The following SEPTIN7 variants were observed in gnomAD, a reference collection of about 807,000 sequenced individuals.
SEPTIN7 encodes the protein septin-7.
A neutral mutation model predicts 63.3 loss-of-function variants in SEPTIN7; 10 were observed. That is an observed-to-expected ratio of 0.16 (90% CI 0.10 to 0.27). SEPTIN7 has a LOEUF of 0.27. Among genes scored for constraint, SEPTIN7 ranks in the 10% least tolerant of loss-of-function variants. The pLI is 1.00. For synonymous variants in SEPTIN7, 131 were observed against 165.3 expected, an observed-to-expected ratio of 0.79 and a Z score of 1.59; for missense variants, 310 against 521.0, an observed-to-expected ratio of 0.59 and a Z score of 3.94.
intron 4 of SEPTIN7, among the ~76,000 whole-genome samples, chr7:35,868,020 G>C (rs113471074): frequency 1.3e-5 from 2 of 151,274 alleles, no homozygotes; most frequent in Non-Finnish European, 3.0e-5. Flanking sequence ...TTACAGGCGC[G>C]TACTACACCT....
intron 1 of SEPTIN7, among the ~76,000 whole-genome samples, chr7:35,807,436 G>A (rs140335174): frequency 0.06 from 8,644 of 144,294 alleles, 760 homozygotes; most frequent in African/African-American, 0.2. Flanking sequence ...ATCTCGGCTC[G>A]CTGTAAGAAG....
At chr7:35,855,989 G>T (rs1785184495) in intron 3 of SEPTIN7, among the ~76,000 whole-genome samples, 1 of 151,902 alleles carries the variant, frequency 6.6e-6, no homozygotes, top group Non-Finnish European at 1.5e-5. Flanking sequence ...TTAACATTTT[G>T]TTATTTATAT....
intron 4 of SEPTIN7, among the ~76,000 whole-genome samples, chr7:35,869,745 G>A (rs1165295600): frequency 6.6e-6 from 1 of 151,972 alleles, no homozygotes. Flanking sequence ...TGAGTACCTT[G>A]GATTTCTGGA....
In SEPTIN7 at chr7:35,906,366, A is replaced by C. The variant is rs1308648996; in HGVS notation, c.*2073A>C. The C allele has an allele frequency of 6.6e-6, 1 of 152,214 alleles. No homozygotes were observed. Among genetic ancestry groups the C allele is most frequent in the Non-Finnish European group, 1.5e-5 (1 of 68,026 alleles). The allele number at this position is 152,214 out of a possible 1,614,324, so 9.4% of individuals were successfully genotyped here. A position where few individuals can be genotyped will look rare whatever the true frequency, so the allele number is the denominator to read the frequency against. On this transcript the variant is annotated 3_prime_UTR_variant, in exon 14 of 14. Coordinates refer to ENST00000350320, the MANE Select transcript of SEPTIN7 (RefSeq NM_001788.6). ...ACTTTTGATTGTTGACTCCAGGCTT[A>C]GGTATATCAGAAGGTTCTTTTTGCC... is the stretch of plus-strand genomic sequence containing the variant.
At chr7:35,915,258 CAT>C in the SEPTIN7 span, among the ~76,000 whole-genome samples, 2,106 of 151,414 alleles carry the variant, frequency 0.014, 44 homozygotes, top group African/African-American at 0.049. Flanking sequence ...CGCTCATACA[CAT>C]ATATATATAT....
intron 1 of SEPTIN7, among the ~76,000 whole-genome samples, chr7:35,821,011 C>G (rs971112136): frequency 1.3e-5 from 2 of 152,136 alleles, no homozygotes; most frequent in Non-Finnish European, 2.9e-5. Flanking sequence ...CCAGACACAT[C>G]AAATAATGAC....
At position 35,905,159 on chromosome 7, in the gene SEPTIN7, A is replaced by C. The variant is rs1206485841; in HGVS notation, c.*866A>C. Reference sequence around the variant, plus strand: ...GACCAACCTGTTTCTACCTATATGCAGTCTCTTTATTTTACTAGAAATGGG... The same window carrying C: ...GACCAACCTGTTTCTACCTATATGCCGTCTCTTTATTTTACTAGAAATGGG... On this transcript the variant is annotated 3_prime_UTR_variant, in exon 14 of 14. Transcript: ENST00000350320. 6.6e-6 allele frequency: 1 copy of C among 152,632 alleles called. No individual in the cohort carries two copies. The allele number at this position is 152,632 out of a possible 1,614,324, so 9.5% of individuals were successfully genotyped here.
intron 3 of SEPTIN7, among the ~76,000 whole-genome samples, chr7:35,841,603 T>C (rs756988394): frequency 1.2e-4 from 18 of 152,186 alleles, no homozygotes; most frequent in Non-Finnish European, 2.5e-4. Context: ...CAAGATTGAT[T>C]GGATAGGTGG....
chr7:35,848,072 G>C (rs886905401), intron 3 of SEPTIN7: 1 of 152,188 alleles, frequency 6.6e-6, no homozygotes, highest in African/African-American at 2.4e-5. Context: ...GTGGCCAGCT[G>C]TAAGTTGCCC....
At chr7:35,852,688 T>A (rs570158397) in intron 3 of SEPTIN7, among the ~76,000 whole-genome samples, 63 of 152,314 alleles carry the variant, frequency 4.1e-4, no homozygotes, top group African/African-American at 1.4e-3. Flanking sequence ...AAATAAACTA[T>A]TTTATCAGGC....
intron 6 of SEPTIN7, among the ~76,000 whole-genome samples, chr7:35,877,956 A>G (rs948399108): frequency 6.6e-6 from 1 of 152,212 alleles, no homozygotes; most frequent in Non-Finnish European, 1.5e-5. Context: ...ATCATCTAAC[A>G]TAAAACCTAT....
chr7:35,829,690 C>T (rs948592963), intron 1 of SEPTIN7, among the ~76,000 whole-genome samples: 2 of 152,156 alleles, frequency 1.3e-5, no homozygotes, highest in Non-Finnish European at 2.9e-5. Context: ...TTATGTAATT[C>T]ATTCAATCTC....
At chr7:35,911,987 T>C (rs1788749933), downstream of SEPTIN7, among the ~76,000 whole-genome samples, 1 of 152,206 alleles carries the variant, frequency 6.6e-6, no homozygotes, top group African/African-American at 2.4e-5. Flanking sequence ...TCAATGATGA[T>C]TGTGCTTTTA....
intron 1 of SEPTIN7, among the ~76,000 whole-genome samples, chr7:35,816,231 C>T (rs1430092753): frequency 1.3e-5 from 2 of 152,100 alleles, no homozygotes; most frequent in South Asian, 2.1e-4. Flanking sequence ...AATAATCAGT[C>T]CCCATCCCTT....
chr7:35,829,548 AG>A (rs1783718125), intron 1 of SEPTIN7, among the ~76,000 whole-genome samples: 1 of 152,194 alleles, frequency 6.6e-6, no homozygotes, highest in East Asian at 1.9e-4. Flanking sequence ...ATAAGAGACA[AG>A]GGCAGACCCT....
At chr7:35,899,823 G>T (rs1419356230) in intron 12 of SEPTIN7, 6 of 152,368 alleles carry the variant, frequency 3.9e-5, no homozygotes, top group Non-Finnish European at 5.9e-5. Flanking sequence ...GATAGAGGCT[G>T]TAGTGAGCCA....
chr7:35,885,020 G>GT (rs111434607), intron 9 of SEPTIN7, among the ~76,000 whole-genome samples: 114 of 145,282 alleles, frequency 7.8e-4, no homozygotes, highest in African/African-American at 1.2e-3. Flanking sequence ...TTTGAACTTC[G>GT]TTTTTTTTTT....
intron 1 of SEPTIN7, among the ~76,000 whole-genome samples, chr7:35,811,743 G>T (rs544697025): frequency 6.6e-6 from 1 of 151,978 alleles, no homozygotes; most frequent in African/African-American, 2.4e-5. Context: ...AAAAATTAAG[G>T]CTGGGCGCGG....
At chr7:35,902,028 A>G (rs1170583019) in intron 12 of SEPTIN7, 1 of 150,240 alleles carries the variant, frequency 6.7e-6, no homozygotes, top group Non-Finnish European at 1.5e-5. Flanking sequence ...GCAAAATTAT[A>G]GTAACATATA....
Sources: allele counts gnomAD v4.1 joint callset (sites outside exome capture counted in the v4.1 genomes callset), GRCh38; gene constraint gnomAD v4.1.1; transcripts MANE v1.5; gene names NCBI Gene and HGNC (gene_info 2026-07-23, HGNC 2026-07-21).